CAMK1D: variants seen among roughly 807,000 people sequenced by gnomAD.
CAMK1D encodes calcium/calmodulin dependent protein kinase ID.
In CAMK1D, 9 loss-of-function variants were observed where a neutral mutation model predicts 47.7. That is an observed-to-expected ratio of 0.19 (90% CI 0.11 to 0.33). The LOEUF is 0.33. CAMK1D is among the 10% of genes least tolerant of loss of function. CAMK1D has a pLI of 1.00. For missense variants in CAMK1D, 291 were observed against 488.7 expected (o/e 0.60, Z 3.81); for synonymous variants, 184 against 184.9 (o/e 0.99, Z 0.04).
intron 3 of CAMK1D, among the ~76,000 whole-genome samples, chr10:12,675,405 C>G (rs1225653002): frequency 6.6e-6 from 1 of 152,172 alleles, no homozygotes; most frequent in Non-Finnish European, 1.5e-5. Flanking sequence ...TCCACAAAAT[C>G]TGCTTCTCCT....
At chr10:12,786,168 A>G (rs959185724) in intron 5 of CAMK1D, among the ~76,000 whole-genome samples, 1 of 152,160 alleles carries the variant, frequency 6.6e-6, no homozygotes, top group Admixed American at 6.5e-5. Context: ...CCATTATGCA[A>G]TTTTAAAAAT....
chr10:12,656,740 G>T (rs77215124), intron 2 of CAMK1D, among the ~76,000 whole-genome samples: 4 of 152,176 alleles, frequency 2.6e-5, no homozygotes, highest in African/African-American at 9.7e-5. Context: ...GCAAAGAGAG[G>T]TGATTTGAAG....
intron 4 of CAMK1D, among the ~76,000 whole-genome samples, chr10:12,761,620 G>A (rs1836511804): frequency 6.6e-6 from 1 of 152,166 alleles, no homozygotes; most frequent in African/African-American, 2.4e-5. Context: ...TGGGCGTGGT[G>A]GCTCAGGCCT....
intron 2 of CAMK1D, among the ~76,000 whole-genome samples, chr10:12,663,426 A>T (rs1328667074): frequency 6.6e-6 from 1 of 152,184 alleles, no homozygotes; most frequent in East Asian, 1.9e-4. Context: ...GACTAAGCAG[A>T]GGCATTATAT....
intron 1 of CAMK1D, among the ~76,000 whole-genome samples, chr10:12,392,311 AAAC>A (rs1305280617): frequency 6.6e-6 from 1 of 152,106 alleles, no homozygotes; most frequent in Non-Finnish European, 1.5e-5. Context: ...CAAAAAAACA[AAAC>A]AAAATCAAAA....
At chr10:12,446,082 C>T (rs200018765) in intron 1 of CAMK1D, among the ~76,000 whole-genome samples, 1,608 of 152,264 alleles carry the variant, frequency 0.011, 44 homozygotes, top group East Asian at 0.091. Flanking sequence ...ATTACTTCAT[C>T]CTTCAGCCTG....
chr10:12,827,287 C>CT (rs1298403345), intron 10 of CAMK1D, among the ~76,000 whole-genome samples: 6 of 115,612 alleles, frequency 5.2e-5, no homozygotes, highest in East Asian at 5.4e-4. Context: ...TTTTCTTTTT[C>CT]TTTCTTTCTT....
At chr10:12,419,332 A>C (rs919765916) in intron 1 of CAMK1D, among the ~76,000 whole-genome samples, 22 of 152,158 alleles carry the variant, frequency 1.4e-4, no homozygotes, top group Admixed American at 6.5e-5. Context: ...ACGGAACTCA[A>C]AGTTCCCAGA....
intron 3 of CAMK1D, among the ~76,000 whole-genome samples, chr10:12,677,314 G>A (rs12250776): frequency 0.44 from 67,073 of 151,942 alleles, 15,455 homozygotes; most frequent in Non-Finnish European, 0.48. Context: ...AAATGTTTCC[G>A]AATATGACAC....
chr10:12,406,758 G>A (rs1318340923), intron 1 of CAMK1D, among the ~76,000 whole-genome samples: 1 of 78,880 alleles, frequency 1.3e-5, no homozygotes, highest in East Asian at 4.4e-4. Context: ...AAAAATCAAG[G>A]TATTGAACTC....
intron 2 of CAMK1D, among the ~76,000 whole-genome samples, chr10:12,556,837 A>G (rs182054102): frequency 3.6e-4 from 55 of 152,232 alleles, no homozygotes; most frequent in African/African-American, 1.3e-3. Flanking sequence ...GGGGGCCAGG[A>G]CTCTATGTAT....
rs201207775 is a variant in CAMK1D, at chr10:12,382,761, G to T, written c.92+32851G>T. On this transcript the variant is annotated intron_variant, in intron 1 of 10. Coordinates refer to ENST00000619168, the MANE Select transcript of CAMK1D (RefSeq NM_153498.4). ...AATCTTTTGAACTCGGGAGGCGGAGGTTGCAGTGAGCTGAGATCGCGCCAC... is the reference window on the plus strand; with the variant it reads ...AATCTTTTGAACTCGGGAGGCGGAGTTTGCAGTGAGCTGAGATCGCGCCAC... 2.6e-5 allele frequency among the ~76,000 whole-genome samples: 4 copies of T among 152,124 alleles called. No individual in the cohort carries two copies. The East Asian group carries it at 7.7e-4, about 29-fold the overall frequency.
intron 3 of CAMK1D, among the ~76,000 whole-genome samples, chr10:12,735,573 G>A (rs1469725102): frequency 2.6e-5 from 4 of 152,186 alleles, no homozygotes; most frequent in South Asian, 2.1e-4. Flanking sequence ...CTTCGATGCC[G>A]TGTCCAAGGG....
intron 1 of CAMK1D, among the ~76,000 whole-genome samples, chr10:12,505,429 G>A (rs1308683865): frequency 6.6e-6 from 1 of 152,192 alleles, no homozygotes; most frequent in Non-Finnish European, 1.5e-5. Context: ...AACGGGTGTA[G>A]AAAGCCTCTC....
At chr10:12,492,360 AAAAAAG>A (rs1319851378) in intron 1 of CAMK1D, among the ~76,000 whole-genome samples, 1 of 151,890 alleles carries the variant, frequency 6.6e-6, no homozygotes, top group Non-Finnish European at 1.5e-5. Flanking sequence ...AAAAAAAAAA[AAAAAAG>A]AAAAGACTGG....
intron 1 of CAMK1D, among the ~76,000 whole-genome samples, chr10:12,389,412 C>G (rs889587100): frequency 2.6e-5 from 4 of 152,200 alleles, no homozygotes; most frequent in Admixed American, 6.5e-5. Context: ...TGTCTTCAGG[C>G]TTCAAGGAGA....
At chr10:12,408,409 G>A (rs919678178) in intron 1 of CAMK1D, among the ~76,000 whole-genome samples, 3 of 151,550 alleles carry the variant, frequency 2.0e-5, no homozygotes, top group South Asian at 2.1e-4. Flanking sequence ...TCCTGACCTC[G>A]TGATCCACCC....
chr10:12,490,257 A>G (rs1011478232), intron 1 of CAMK1D, among the ~76,000 whole-genome samples: 1 of 150,430 alleles, frequency 6.6e-6, no homozygotes, highest in African/African-American at 2.4e-5. Flanking sequence ...TTTGAGTGGG[A>G]TAAGTGTGAA....
chr10:12,430,306 T>C (rs1184026938), intron 1 of CAMK1D, among the ~76,000 whole-genome samples: 1 of 152,140 alleles, frequency 6.6e-6, no homozygotes, highest in Admixed American at 6.5e-5. Context: ...CGATCCGCTC[T>C]CCCGGAGAGC....
Sources: allele counts gnomAD v4.1 joint callset (sites outside exome capture counted in the v4.1 genomes callset), GRCh38; gene constraint gnomAD v4.1.1; transcripts MANE v1.5; gene names NCBI Gene and HGNC (gene_info 2026-07-23, HGNC 2026-07-21).